Variants in SAMMSON observed in about 807,000 individuals in gnomAD.
The protein encoded by SAMMSON is survival associated mitochondrial melanoma specific oncogenic non-coding RNA.
chr3:70,178,528 C>T (rs1459699880), intron 4 of SAMMSON, among the ~76,000 whole-genome samples: 3 of 152,126 alleles, frequency 2.0e-5, no homozygotes, highest in East Asian at 3.9e-4. Flanking sequence ...TAAGAAAATG[C>T]GTTAAACTGA....
At chr3:70,195,091 C>T (rs551676702) in intron 4 of SAMMSON, among the ~76,000 whole-genome samples, 5 of 152,324 alleles carry the variant, frequency 3.3e-5, no homozygotes, top group African/African-American at 1.2e-4. Context: ...GAGTTCCTGA[C>T]ACTGCCAATA....
intron 4 of SAMMSON, among the ~76,000 whole-genome samples, chr3:70,182,262 G>A (rs1383561840): frequency 6.6e-6 from 1 of 152,054 alleles, no homozygotes; most frequent in Non-Finnish European, 1.5e-5. Context: ...AAAACACTTG[G>A]CACAGGTGCA....
intron 3 of SAMMSON, among the ~76,000 whole-genome samples, chr3:70,060,670 G>T (rs541226500): frequency 1.3e-5 from 2 of 152,108 alleles, no homozygotes; most frequent in Non-Finnish European, 2.9e-5. Flanking sequence ...GGTAGGCAGA[G>T]GCCAGGGATG....
At chr3:70,194,151 A>G (rs751425322) in intron 4 of SAMMSON, among the ~76,000 whole-genome samples, 12 of 152,322 alleles carry the variant, frequency 7.9e-5, no homozygotes, top group Non-Finnish European at 1.5e-4. Flanking sequence ...AAGACAATGT[A>G]GCTATGTCGT....
intron 7 of SAMMSON, among the ~76,000 whole-genome samples, chr3:70,304,221 C>T (rs764482584): frequency 3.9e-5 from 6 of 152,092 alleles, no homozygotes; most frequent in East Asian, 3.9e-4. Context: ...GAGCATGACA[C>T]GTTCTTTCCT....
intron 7 of SAMMSON, among the ~76,000 whole-genome samples, chr3:70,332,282 A>T (rs1193026623): frequency 1.3e-5 from 2 of 152,180 alleles, no homozygotes; most frequent in Admixed American, 6.5e-5. Flanking sequence ...ACTCTCACAT[A>T]AACAGGCTGA....
chr3:70,090,858 C>T (rs1013358013), intron 4 of SAMMSON, among the ~76,000 whole-genome samples: 1 of 151,512 alleles, frequency 6.6e-6, no homozygotes, highest in Admixed American at 6.6e-5. Flanking sequence ...ACTAAAGCTG[C>T]CTGAATCTTA....
At chr3:70,174,596 A>C (rs1445023236) in intron 4 of SAMMSON, among the ~76,000 whole-genome samples, 2 of 152,082 alleles carry the variant, frequency 1.3e-5, no homozygotes, top group African/African-American at 4.8e-5. Context: ...GAGGTACTTC[A>C]TGGTGTCTAA....
chr3:70,145,451 A>C (rs2067544636), intron 4 of SAMMSON, among the ~76,000 whole-genome samples: 1 of 152,132 alleles, frequency 6.6e-6, no homozygotes, highest in African/African-American at 2.4e-5. Context: ...ATATCCTGGG[A>C]CATAAAACAA....
intron 2 of SAMMSON, among the ~76,000 whole-genome samples, chr3:70,399,324 G>A (rs539332535): frequency 2.0e-5 from 3 of 152,268 alleles, no homozygotes; most frequent in South Asian, 4.1e-4. Flanking sequence ...CTGTTAAATG[G>A]GGTAGAAATT....
At chr3:70,238,838 G>C (rs976902301) in intron 4 of SAMMSON, among the ~76,000 whole-genome samples, 1 of 152,018 alleles carries the variant, frequency 6.6e-6, no homozygotes. Context: ...GTAATGGAAA[G>C]AGACTCACAG....
In SAMMSON at chr3:70,288,371, G is replaced by C. The variant is rs1260792205; in HGVS notation, n.675-2808G>C. Among the ~76,000 whole-genome samples, 7 of 138,428 alleles carry C rather than the reference G, an allele frequency of 5.1e-5. No individual in the cohort carries two copies. The East Asian group carries it at 1.5e-3, about 30-fold the overall frequency. The allele number at this position is 138,428 out of a possible 152,430, so 90.8% of individuals were successfully genotyped here. On this transcript the variant is annotated intron_variant and non_coding_transcript_variant, in intron 6 of 9. Coordinates refer to ENST00000642114, the Ensembl canonical transcript of SAMMSON. ...AGTTTCCATGTAGTTGAGCGGTTTT[G>C]AGTGAGATTCTTAATCCTGAGTTCT...
intron 6 of SAMMSON, among the ~76,000 whole-genome samples, chr3:70,278,039 C>T (rs187980989): frequency 6.6e-6 from 1 of 152,244 alleles, no homozygotes; most frequent in East Asian, 1.9e-4. Flanking sequence ...ACCTATCTAA[C>T]CACCACCCCA....
chr3:70,413,910 C>A (rs1701242337), intron 2 of SAMMSON, among the ~76,000 whole-genome samples: 1 of 152,068 alleles, frequency 6.6e-6, no homozygotes, highest in African/African-American at 2.4e-5. Context: ...TACAGTCTGT[C>A]TAAACAGTGT....
At chr3:70,084,772 C>A (rs2067279596) in intron 4 of SAMMSON, 1 of 152,228 alleles carries the variant, frequency 6.6e-6, no homozygotes, top group South Asian at 2.1e-4. Flanking sequence ...TCAGCACCTA[C>A]TGTGTTCCAG....
At chr3:70,429,043 A>G (rs961785361) in intron 2 of SAMMSON, among the ~76,000 whole-genome samples, 2 of 152,136 alleles carry the variant, frequency 1.3e-5, no homozygotes, top group South Asian at 2.1e-4. Context: ...GCCCGTGCCT[A>G]TGGCCTGAAT....
Position 70,141,845 on chromosome 3 carries a change from T to C in SAMMSON, n.507+70280T>C, listed in dbSNP as rs529842916. Among the ~76,000 whole-genome samples, 10 of 152,310 alleles carry C rather than the reference T, an allele frequency of 6.6e-5. No homozygotes were observed. In the South Asian group the frequency reaches 1.7e-3, roughly 25 times the overall value. On this transcript the variant is annotated intron_variant and non_coding_transcript_variant, in intron 4 of 9. Coordinates refer to ENST00000642114, the Ensembl canonical transcript of SAMMSON. ...TAGAGCCAGGACACAGGATAAGTTCTGCATTAGAGTAAGATGTCCTTCCTA... is the reference window on the plus strand; with the variant it reads ...TAGAGCCAGGACACAGGATAAGTTCCGCATTAGAGTAAGATGTCCTTCCTA...
chr3:70,110,786 G>A (rs2067385229), intron 4 of SAMMSON, among the ~76,000 whole-genome samples: 1 of 152,136 alleles, frequency 6.6e-6, no homozygotes, highest in Non-Finnish European at 1.5e-5. Context: ...TCCAGAGAAA[G>A]GGTAAATTAT....
chr3:70,337,829 GT>G (rs1413010551), intron 7 of SAMMSON, among the ~76,000 whole-genome samples: 9 of 151,248 alleles, frequency 6.0e-5, no homozygotes, highest in African/African-American at 2.2e-4. Flanking sequence ...ATTACTTTTG[GT>G]TTTATATTTT....
Sources: gnomAD v4.1 joint callset for allele counts (sites outside exome capture counted in the v4.1 genomes callset) on GRCh38, gnomAD v4.1.1 for gene constraint, MANE v1.5 for transcripts, NCBI Gene and HGNC (gene_info 2026-07-23, HGNC 2026-07-21) for gene names.